Variants in RAB11FIP5 observed in about 807,000 individuals in gnomAD.
RAB11FIP5 encodes rab11 family-interacting protein 5.
In RAB11FIP5, 48 loss-of-function variants were observed where a neutral mutation model predicts 85.1. The ratio of observed to expected loss-of-function variants is 0.56; its 90% CI spans 0.45 to 0.72. The LOEUF (loss-of-function observed/expected upper bound fraction) is 0.72, where lower values mean the gene tolerates loss of function less well. Among genes scored for constraint, RAB11FIP5 ranks in the 30% least tolerant of loss-of-function variants. The probability of loss-of-function intolerance (pLI) is 0.00; values close to 1 mark genes in which losing one functional copy is unlikely to be tolerated. For synonymous variants in RAB11FIP5, 729 were observed against 727.3 expected (o/e 1.00, Z -0.04); for missense variants, 1,491 against 1,687.0 (o/e 0.88, Z 2.04).
chr2:73,088,541 C>T lies in RAB11FIP5; in HGVS notation c.1077G>A (p.Ser359=), dbSNP rs758278308. 1.5e-5 allele frequency: 25 copies of T among 1,613,912 alleles called. No homozygotes were observed. The highest frequency in any genetic ancestry group is 6.7e-5 in the East Asian group (3 of 44,878). Residue 359 remains serine (S), a synonymous_variant, in exon 3 of 6, where the codon TCG becomes TCA. Coordinates refer to ENST00000486777, the MANE Select transcript of RAB11FIP5 (RefSeq NM_001371272.1). ...AGGAGCCAGAGGATGGAAGCGAGCCCGAGATGGAGCTGCGGTGCCGCACAG... is the reference window on the plus strand; with the variant it reads ...AGGAGCCAGAGGATGGAAGCGAGCCTGAGATGGAGCTGCGGTGCCGCACAG... ...QGPVRHRSSI[S]GSLPSSGSLQ...
chr2:73,081,332 T>C lies in RAB11FIP5; in HGVS notation c.1900A>G (p.Ser634Gly). 2 of 1,232,746 alleles carry C rather than the reference T, an allele frequency of 1.6e-6. No homozygotes were observed. The highest frequency in any genetic ancestry group is 2.0e-6 in the Non-Finnish European group (2 of 988,510). The allele number at this position is 1,232,746 out of a possible 1,614,324, so 76.4% of individuals were successfully genotyped here. The change falls in exon 4 of 6, where the codon AGC becomes GGC. Residue 634 changes from serine (S) to glycine (G), a missense_variant. Coordinates refer to ENST00000486777, the MANE Select transcript of RAB11FIP5 (RefSeq NM_001371272.1). This position sits in a 1 kb window ranked among gnomAD's most constrained non-coding sequence, Gnocchi z 4.2. ...APSLPSASRASPTPLASPGKA... is the reference protein window; with the variant it reads ...APSLPSASRAGPTPLASPGKA... ...CCAGGGGAGGCCAGGGGGGTGGGGC[T>C]GGCCCTCGAGGCACTGGGGAGAGAG...
intron 1 of RAB11FIP5, among the ~76,000 whole-genome samples, chr2:73,092,802 C>T (rs1007737264): frequency 2.0e-4 from 30 of 152,178 alleles, no homozygotes; most frequent in African/African-American, 7.2e-4. Context: ...CCAGGACCTA[C>T]CTCTGGACCC....
chr2:73,105,912 G>GTCA (rs1173034938), intron 1 of RAB11FIP5, among the ~76,000 whole-genome samples: 20 of 152,128 alleles, frequency 1.3e-4, no homozygotes, highest in African/African-American at 4.8e-4. Context: ...ATGTGCTGTG[G>GTCA]TCAAGTCCAG....
Position 73,081,859 on chromosome 2 carries a change from G to A in RAB11FIP5, c.1569-196C>T, listed in dbSNP as rs1189849175. ...TCAAGTGCCTCCCAAGGAGAAATAT[G>A]CCAGGCAAAGCTATTTTAATGCTCA... On this transcript the variant is annotated intron_variant, in intron 3 of 5. Coordinates refer to ENST00000486777, the MANE Select transcript of RAB11FIP5 (RefSeq NM_001371272.1). This position sits in a 1 kb window ranked among gnomAD's most constrained non-coding sequence, Gnocchi z 4.2. 6.6e-6 allele frequency among the ~76,000 whole-genome samples: 1 copy of A among 152,084 alleles called. No homozygotes were observed. The highest frequency in any genetic ancestry group is 1.5e-5 in the Non-Finnish European group (1 of 68,018).
intron 1 of RAB11FIP5, among the ~76,000 whole-genome samples, chr2:73,090,654 T>G (rs188277350): frequency 6.6e-6 from 1 of 152,366 alleles, no homozygotes; most frequent in East Asian, 1.9e-4. Context: ...AAAGGCTTCA[T>G]GCTTGCACGA....
chr2:73,098,896 C>T (rs1387463129), intron 1 of RAB11FIP5, among the ~76,000 whole-genome samples: 1 of 152,160 alleles, frequency 6.6e-6, no homozygotes, highest in Non-Finnish European at 1.5e-5. Flanking sequence ...ATTTTCCTAT[C>T]ACATTTTAGC....
intron 3 of RAB11FIP5, among the ~76,000 whole-genome samples, chr2:73,083,653 G>A (rs575455602): frequency 2.9e-4 from 44 of 152,262 alleles, no homozygotes; most frequent in African/African-American, 1.1e-3. Context: ...CCCAGCAGAT[G>A]CCCTTTCTCC....
chr2:73,100,456 C>G (rs552031519), intron 1 of RAB11FIP5, among the ~76,000 whole-genome samples: 1 of 135,546 alleles, frequency 7.4e-6, no homozygotes, highest in Middle Eastern at 4.8e-3. Context: ...GATGGAGTCT[C>G]GCTCTGTCAT....
intron 1 of RAB11FIP5, among the ~76,000 whole-genome samples, chr2:73,101,042 T>TG (rs1684419570): frequency 9.6e-6 from 1 of 104,408 alleles, no homozygotes; most frequent in Admixed American, 1.0e-4. Flanking sequence ...GGTGGTGGGG[T>TG]GGGGGGGATT....
intron 3 of RAB11FIP5, among the ~76,000 whole-genome samples, chr2:73,085,290 C>G (rs1339191455): frequency 1.3e-5 from 2 of 152,190 alleles, no homozygotes; most frequent in Non-Finnish European, 2.9e-5. Flanking sequence ...TCATGATACA[C>G]TCATCTCTAT....
chr2:73,079,530 A>C (rs1181724037), intron 4 of RAB11FIP5, 121 bp downstream of exon 4: 1 of 1,175,744 alleles, frequency 8.5e-7, no homozygotes, highest in Admixed American at 4.2e-5. Context: ...CTGGGGTAAA[A>C]GAGACCCTCA....
Position 73,075,628 on chromosome 2 carries a change from G to A in RAB11FIP5, c.3868C>T (p.Arg1290Trp), listed in dbSNP as rs1395259449. The change falls in exon 6 of 6, where the codon CGG becomes TGG. Residue 1290 changes from arginine to tryptophan, a missense_variant. Arg to Trp is a moderately radical substitution (Grantham distance 101, BLOSUM62 -3). Transcript: ENST00000486777. This position sits in a 1 kb window ranked among gnomAD's most constrained non-coding sequence, Gnocchi z 4.6. Reference sequence around the variant, plus strand: ...TCCAGCTCCTGCACATGCTCGTCCCGCTGGCTCAGCTCCCGCTCCCGCTGC... The same window carrying A: ...TCCAGCTCCTGCACATGCTCGTCCCACTGGCTCAGCTCCCGCTCCCGCTGC... ...LLQRERELSQ[R>W]DEHVQELESY... 1.2e-6 allele frequency: 2 copies of A among 1,613,944 alleles called. No individual in the cohort carries two copies. The highest frequency in any genetic ancestry group is 2.2e-5 in the South Asian group (2 of 91,040).
intron 1 of RAB11FIP5, among the ~76,000 whole-genome samples, chr2:73,098,030 AC>A (rs1684355609): frequency 6.6e-6 from 1 of 152,098 alleles, no homozygotes; most frequent in Non-Finnish European, 1.5e-5. Flanking sequence ...CCTCTTAACA[AC>A]CCTGTGAGGT....
At chr2:73,102,631 T>C (rs548633730) in intron 1 of RAB11FIP5, among the ~76,000 whole-genome samples, 1 of 152,282 alleles carries the variant, frequency 6.6e-6, no homozygotes, top group Admixed American at 6.5e-5. Context: ...CTCACTACTG[T>C]TGGCAGCAGG....
In RAB11FIP5 at chr2:73,075,782, C is replaced by CTG. The variant is rs1683846886; in HGVS notation, c.3772-59_3772-58insCA. On this transcript the variant is annotated intron_variant, in intron 5 of 5. Coordinates refer to ENST00000486777, the MANE Select transcript of RAB11FIP5 (RefSeq NM_001371272.1). This position sits in a 1 kb window ranked among gnomAD's most constrained non-coding sequence, Gnocchi z 4.6. ...GCCCTAGGCCTGCCTGCCTGCCTGC[C>CTG]CGCTTGCCCGCCCGCCCGCCTGCCC... The CTG allele has an allele frequency of 4.6e-6, 7 of 1,521,790 alleles. No homozygotes were observed. Among genetic ancestry groups the CTG allele is most frequent in the African/African-American group, 4.1e-5 (3 of 72,328 alleles). The allele number at this position is 1,521,790 out of a possible 1,614,324, so 94.3% of individuals were successfully genotyped here. A position where few individuals can be genotyped will look rare whatever the true frequency, so the allele number is the denominator to read the frequency against.
chr2:73,109,304 C>T (rs1684597261), intron 1 of RAB11FIP5, among the ~76,000 whole-genome samples: 1 of 152,188 alleles, frequency 6.6e-6, no homozygotes, highest in Admixed American at 6.5e-5. Flanking sequence ...TGCTGAAGCA[C>T]CTACAACCCC....
At position 73,081,094 on chromosome 2, in the gene RAB11FIP5, C is replaced by T. The variant is rs972651970; in HGVS notation, c.2138G>A (p.Arg713Lys). The T allele has an allele frequency of 6.3e-5, 77 of 1,215,322 alleles. No individual in the cohort carries two copies. The highest frequency in any genetic ancestry group is 7.1e-5 in the Non-Finnish European group (70 of 987,190). The allele number at this position is 1,215,322 out of a possible 1,614,324, so 75.3% of individuals were successfully genotyped here. A position where few individuals can be genotyped will look rare whatever the true frequency, so the allele number is the denominator to read the frequency against. ...CTCCAGCCACACGCTGCTCCCACCT[C>T]TTCCTCCTCCTCCTCCTCCTCCTCC... is the stretch of plus-strand genomic sequence containing the variant. ...GGGGGGGGGGRGGSSVWLEPR... is the reference protein window; with the variant it reads ...GGGGGGGGGGKGGSSVWLEPR... Residue 713 changes from arginine (R) to lysine (K), a missense_variant, in exon 4 of 6, where the codon AGA becomes AAA. Coordinates refer to ENST00000486777, the MANE Select transcript of RAB11FIP5 (RefSeq NM_001371272.1). The surrounding 1 kb of genome is among the most constrained non-coding windows in gnomAD (Gnocchi z 4.2).
chr2:73,087,857 C>T (rs1559234791), intron 3 of RAB11FIP5, among the ~76,000 whole-genome samples, 193 bp downstream of exon 3: 1 of 152,138 alleles, frequency 6.6e-6, no homozygotes, highest in Non-Finnish European at 1.5e-5. Flanking sequence ...ACTATGCCCT[C>T]GTAACTCACC....
At chr2:73,098,835 C>G (rs1426550868) in intron 1 of RAB11FIP5, among the ~76,000 whole-genome samples, 2 of 152,146 alleles carry the variant, frequency 1.3e-5, no homozygotes, top group African/African-American at 2.4e-5. Context: ...ATTTTTGCAA[C>G]AGTAGTACAG....
Sources: allele counts gnomAD v4.1 joint callset (sites outside exome capture counted in the v4.1 genomes callset), GRCh38; gene constraint gnomAD v4.1.1; non-coding constraint Gnocchi (gnomAD v3.1); transcripts MANE v1.5; gene names NCBI Gene and HGNC (gene_info 2026-07-23, HGNC 2026-07-21).